Variants in SPATA17 observed in about 807,000 individuals in gnomAD.
SPATA17 encodes spermatogenesis-associated protein 17.
SPATA17 carries 53 observed loss-of-function variants against 62.2 expected under a neutral mutation model. The observed-to-expected ratio is 0.85, with a 90% CI of 0.68 to 1.07. The LOEUF (loss-of-function observed/expected upper bound fraction) is 1.07, where lower values mean the gene tolerates loss of function less well. Ranked by LOEUF, SPATA17 falls within the 50% of genes least tolerant of loss-of-function variation. The pLI, the probability that SPATA17 is intolerant of heterozygous loss-of-function variation, is 0.00. For missense variants in SPATA17, 466 were observed against 425.5 expected (o/e 1.10, Z -0.84); for synonymous variants, 146 against 146.8 (o/e 0.99, Z 0.04).
chr1:217,643,947 T>C (rs962496057), intron 1 of SPATA17, among the ~76,000 whole-genome samples: 3 of 152,000 alleles, frequency 2.0e-5, no homozygotes, highest in Non-Finnish European at 4.4e-5. Context: ...AGGCTGGTCT[T>C]GAACTCCTGA....
intron 4 of SPATA17, among the ~76,000 whole-genome samples, chr1:217,678,806 G>A (rs1355315153): frequency 6.6e-6 from 1 of 152,130 alleles, no homozygotes; most frequent in Admixed American, 6.5e-5. Flanking sequence ...AGCACACAAT[G>A]ACTTTGTTTA....
rs1262846186 is a variant in SPATA17 at position 217,774,463 on chromosome 1, T to C, written c.649T>C (p.Trp217Arg). Residue 217 changes from tryptophan to arginine, a missense_variant, in exon 7 of 11, where the codon TGG (tryptophan) becomes CGG (arginine). Physicochemically the swap from Trp to Arg is moderately radical, Grantham distance 101. Transcript: ENST00000366933. Reference sequence around the variant, plus strand: ...GAAGGACTCCACCAGCCTTACTGATTGGCTAGCTTGTACAAGCGCCCGTTC... The same window carrying C: ...GAAGGACTCCACCAGCCTTACTGATCGGCTAGCTTGTACAAGCGCCCGTTC... ...KQKDSTSLTDWLACTSARSFP... is the reference protein window; with the variant it reads ...KQKDSTSLTDRLACTSARSFP... The C allele has an allele frequency of 2.5e-6, 4 of 1,614,138 alleles. No homozygotes were observed. The East Asian group carries it at 8.9e-5, about 36-fold the overall frequency.
intron 6 of SPATA17, among the ~76,000 whole-genome samples, chr1:217,757,164 T>G (rs1418330469): frequency 6.6e-6 from 1 of 152,186 alleles, no homozygotes; most frequent in Non-Finnish European, 1.5e-5. Flanking sequence ...GAAACTTGGC[T>G]AAGATGGGAA....
intron 9 of SPATA17, among the ~76,000 whole-genome samples, chr1:217,812,918 C>T (rs1674628292): frequency 6.6e-6 from 1 of 152,138 alleles, no homozygotes; most frequent in Admixed American, 6.6e-5. Context: ...GAAAGAGACT[C>T]TTTCAAGATG....
intron 3 of SPATA17, among the ~76,000 whole-genome samples, chr1:217,659,319 T>A (rs905379822): frequency 6.6e-5 from 10 of 151,812 alleles, no homozygotes; most frequent in African/African-American, 1.9e-4. Context: ...AAAACATGAA[T>A]GAAATTTTGA....
At chr1:217,708,854 C>T (rs2102924966) in intron 5 of SPATA17, among the ~76,000 whole-genome samples, 1 of 152,148 alleles carries the variant, frequency 6.6e-6, no homozygotes, top group Admixed American at 6.5e-5. Flanking sequence ...GGGCTTTATC[C>T]CTGGGATGCA....
At chr1:217,862,225 A>ATGAAACATG (rs1558080931) in intron 9 of SPATA17, among the ~76,000 whole-genome samples, 2 of 152,046 alleles carry the variant, frequency 1.3e-5, no homozygotes, top group Non-Finnish European at 2.9e-5. Flanking sequence ...GTTTTAACAT[A>ATGAAACATG]CATGAAAAGC....
At chr1:217,639,327 A>G (rs978397735) in intron 1 of SPATA17, among the ~76,000 whole-genome samples, 6 of 152,174 alleles carry the variant, frequency 3.9e-5, no homozygotes, top group Non-Finnish European at 7.4e-5. Flanking sequence ...TAAGAATTCT[A>G]TCAAAGATTC....
intron 1 of SPATA17, among the ~76,000 whole-genome samples, chr1:217,636,533 C>A (rs1021615610): frequency 1.3e-5 from 2 of 152,152 alleles, no homozygotes; most frequent in Non-Finnish European, 2.9e-5. Context: ...CTGCTTCAGA[C>A]TCCTGAGTAG....
intron 9 of SPATA17, among the ~76,000 whole-genome samples, chr1:217,830,430 T>A (rs912558283): frequency 2.0e-5 from 3 of 152,112 alleles, no homozygotes; most frequent in Admixed American, 2.0e-4. Flanking sequence ...GTACTGAACA[T>A]CTCCTCGACT....
intron 8 of SPATA17, among the ~76,000 whole-genome samples, chr1:217,795,362 C>CTTTTTT (rs71560537): frequency 7.2e-5 from 5 of 69,542 alleles, no homozygotes; most frequent in East Asian, 4.0e-4. Context: ...ACAAAAGTCT[C>CTTTTTT]TTTTTTTTTT....
intron 5 of SPATA17, among the ~76,000 whole-genome samples, chr1:217,731,557 C>T (rs1286293246): frequency 1.3e-5 from 2 of 152,172 alleles, no homozygotes; most frequent in Non-Finnish European, 2.9e-5. Context: ...AGTCTGTTCT[C>T]CCTACTGCTG....
chr1:217,808,706 G>A (rs1385013617), intron 9 of SPATA17, among the ~76,000 whole-genome samples: 3 of 151,930 alleles, frequency 2.0e-5, no homozygotes, highest in Non-Finnish European at 2.9e-5. Context: ...ACAAAAATTA[G>A]CAGCTGGGTG....
At chr1:217,787,088 A>T (rs185468678) in intron 8 of SPATA17, among the ~76,000 whole-genome samples, 16 of 152,146 alleles carry the variant, frequency 1.1e-4, no homozygotes, top group Admixed American at 7.2e-4. Context: ...TCCATATCCT[A>T]TGAGTCCTCA....
At chr1:217,679,388 A>T (rs1380489334) in intron 4 of SPATA17, among the ~76,000 whole-genome samples, 1 of 152,242 alleles carries the variant, frequency 6.6e-6, no homozygotes, top group East Asian at 1.9e-4. Flanking sequence ...ATTCACAAGG[A>T]TATTGTGAGA....
At chr1:217,684,051 C>G (rs1393957704) in intron 5 of SPATA17, among the ~76,000 whole-genome samples, 1 of 152,030 alleles carries the variant, frequency 6.6e-6, no homozygotes, top group African/African-American at 2.4e-5. Flanking sequence ...AAGAACTTGC[C>G]TCTCCTAGAA....
chr1:217,816,475 TTCTA>T (rs1367995334), intron 9 of SPATA17, among the ~76,000 whole-genome samples: 1 of 151,790 alleles, frequency 6.6e-6, no homozygotes, highest in Non-Finnish European at 1.5e-5. Flanking sequence ...ATATTCAACC[TTCTA>T]TCTTTTACTT....
At chr1:217,799,386 C>A (rs1363932176) in intron 8 of SPATA17, among the ~76,000 whole-genome samples, 2 of 152,044 alleles carry the variant, frequency 1.3e-5, no homozygotes, top group African/African-American at 2.4e-5. Flanking sequence ...GTGATAAAAA[C>A]TGTAAGTGCA....
rs1349084613 is a variant in SPATA17 at position 217,871,298 on chromosome 1, G to GT, written c.*4285dup. The GT allele has an allele frequency of 2.0e-5, 3 of 151,864 alleles. No homozygotes were observed. The highest frequency in any genetic ancestry group is 6.6e-5 in the Admixed American group (1 of 15,242). The allele number at this position is 151,864 out of a possible 1,614,324, so 9.4% of individuals were successfully genotyped here. A position where few individuals can be genotyped will look rare whatever the true frequency, so the allele number is the denominator to read the frequency against. ...GTTATTTTATCCCCTTTTTTGCTCTGTTTTTTCACATTTATGGCCTACCTG... is the reference window on the plus strand; with the variant it reads ...GTTATTTTATCCCCTTTTTTGCTCTGTTTTTTTCACATTTATGGCCTACCTG... On this transcript the variant is annotated 3_prime_UTR_variant, in exon 11 of 11. Coordinates refer to ENST00000366933, the MANE Select transcript of SPATA17 (RefSeq NM_138796.4).
Sources: gnomAD v4.1 joint callset for allele counts (sites outside exome capture counted in the v4.1 genomes callset) on GRCh38, gnomAD v4.1.1 for gene constraint, MANE v1.5 for transcripts, NCBI Gene and HGNC (gene_info 2026-07-23, HGNC 2026-07-21) for gene names.